The following FAM168A variants were observed in gnomAD, a reference collection of about 807,000 sequenced individuals.
The protein encoded by FAM168A is family with sequence similarity 168 member A.
Under a neutral mutation model 28.5 loss-of-function variants are expected in FAM168A, and 3 were observed. That is an observed-to-expected ratio of 0.11 (90% CI 0.05 to 0.27). The LOEUF is 0.27. Ranked by LOEUF, FAM168A falls within the 10% of genes least tolerant of loss-of-function variation. The probability of loss-of-function intolerance (pLI) is 1.00; values close to 1 mark genes in which losing one functional copy is unlikely to be tolerated. For missense variants in FAM168A, 222 were observed against 311.5 expected, an observed-to-expected ratio of 0.71 and a Z score of 2.16; for synonymous variants, 122 against 124.2, an observed-to-expected ratio of 0.98 and a Z score of 0.12.
At chr11:73,434,111 T>TG (rs1867047905) in intron 2 of FAM168A, among the ~76,000 whole-genome samples, 1 of 152,222 alleles carries the variant, frequency 6.6e-6, no homozygotes. Context: ...CCCAAAGTGC[T>TG]GGGATTACAG....
chr11:73,491,290 G>T (rs1023700049), intron 1 of FAM168A, among the ~76,000 whole-genome samples: 6 of 152,134 alleles, frequency 3.9e-5, no homozygotes, highest in Admixed American at 3.9e-4. Context: ...TACCACTCCA[G>T]CGGGAAGGAG....
rs147999855 is a variant in FAM168A, at chr11:73,463,676, G to A, written c.70+4729C>T. Reference sequence around the variant, plus strand: ...GCAGGGGAAGAAAATTCTGAAAGGAGACAAATTCAGGAACAGCTGGAGAAG... The same window carrying A: ...GCAGGGGAAGAAAATTCTGAAAGGAAACAAATTCAGGAACAGCTGGAGAAG... On this transcript the variant is annotated intron_variant, in intron 2 of 7. Transcript: ENST00000356467. Among the ~76,000 whole-genome samples the A allele has an allele frequency of 4.3e-3, 648 of 152,220 alleles. 1 individual carries two copies. Among genetic ancestry groups the A allele is most frequent in the Non-Finnish European group, 6.9e-3 (466 of 67,998 alleles).
At chr11:73,413,993 T>C (rs1866659196) in intron 4 of FAM168A, among the ~76,000 whole-genome samples, 1 of 151,880 alleles carries the variant, frequency 6.6e-6, no homozygotes, top group African/African-American at 2.4e-5. Flanking sequence ...AGCCCAGGAG[T>C]CTAAGGCTGT....
intron 1 of FAM168A, among the ~76,000 whole-genome samples, chr11:73,509,888 G>A (rs1855185621): frequency 6.6e-6 from 1 of 152,070 alleles, no homozygotes. Flanking sequence ...TCCCAACTCT[G>A]GGAGGCTTTC....
At chr11:73,501,143 A>C (rs1855004052) in intron 1 of FAM168A, among the ~76,000 whole-genome samples, 1 of 152,216 alleles carries the variant, frequency 6.6e-6, no homozygotes, top group Non-Finnish European at 1.5e-5. Flanking sequence ...GGAAGTGCTA[A>C]CTATTCTGAA....
At chr11:73,521,093 A>T (rs1041436664) in intron 1 of FAM168A, among the ~76,000 whole-genome samples, 4 of 152,222 alleles carry the variant, frequency 2.6e-5, no homozygotes, top group African/African-American at 9.6e-5. Context: ...GTTTCAGGAA[A>T]TATATGTGCT....
intron 2 of FAM168A, among the ~76,000 whole-genome samples, chr11:73,455,715 T>C (rs957739314): frequency 5.3e-5 from 8 of 152,168 alleles, no homozygotes; most frequent in African/African-American, 1.9e-4. Flanking sequence ...ATAACAAAAT[T>C]GGAAGGTCAG....
At chr11:73,544,828 T>A (rs1383506706) in intron 1 of FAM168A, among the ~76,000 whole-genome samples, 2 of 100,034 alleles carry the variant, frequency 2.0e-5, no homozygotes, top group Non-Finnish European at 3.5e-5. Context: ...ATAAATTTAT[T>A]ATATATAATA....
intron 1 of FAM168A, among the ~76,000 whole-genome samples, chr11:73,539,364 G>A (rs1209224953): frequency 6.6e-6 from 1 of 152,148 alleles, no homozygotes; most frequent in African/African-American, 2.4e-5. Flanking sequence ...CCGCCTCCCA[G>A]GTTCAAGCAA....
intron 1 of FAM168A, among the ~76,000 whole-genome samples, chr11:73,558,289 C>T (rs1943913277): frequency 1.3e-5 from 2 of 151,952 alleles, no homozygotes. Context: ...TAGCAAGACA[C>T]TGCCTCTACA....
chr11:73,534,172 G>A (rs1204551005), intron 1 of FAM168A, among the ~76,000 whole-genome samples: 1 of 152,100 alleles, frequency 6.6e-6, no homozygotes, highest in Non-Finnish European at 1.5e-5. Context: ...TTTAAATGAA[G>A]TGTAAAACCA....
intron 1 of FAM168A, among the ~76,000 whole-genome samples, chr11:73,485,634 T>C (rs985050024): frequency 1.3e-5 from 2 of 152,206 alleles, no homozygotes; most frequent in African/African-American, 2.4e-5. Context: ...CCTTCACTGA[T>C]AATCTGTTTG....
At chr11:73,461,122 C>CT (rs886889582) in intron 2 of FAM168A, among the ~76,000 whole-genome samples, 8 of 148,654 alleles carry the variant, frequency 5.4e-5, no homozygotes, top group South Asian at 2.1e-4. Flanking sequence ...CATTGTCAAT[C>CT]TTTTTTTTTT....
intron 2 of FAM168A, among the ~76,000 whole-genome samples, chr11:73,442,979 T>TATATATATAC: frequency 8.3e-6 from 1 of 120,910 alleles, no homozygotes. Flanking sequence ...TATATATATA[T>TATATATATAC]ATATATATAT....
chr11:73,582,364 A>G (rs905110092), intron 1 of FAM168A, among the ~76,000 whole-genome samples: 2 of 152,010 alleles, frequency 1.3e-5, no homozygotes, highest in African/African-American at 2.4e-5. Context: ...TACTAAAAAT[A>G]CAAAAAAAAT....
rs1056457503 is a variant in FAM168A, at chr11:73,582,384, G to A, written c.-19+15539C>T. ...AAAATACAAAAAAAATTAGCCAGGC[G>A]TGGAGGCACACACCTGTAGTCCCAG... On this transcript the variant is annotated intron_variant, in intron 1 of 7. Coordinates refer to ENST00000356467, the MANE Select transcript of FAM168A (RefSeq NM_015159.3). 1.2e-4 allele frequency among the ~76,000 whole-genome samples: 18 copies of A among 151,904 alleles called. 1 individual carries two copies. The highest frequency in any genetic ancestry group is 3.9e-4 in the East Asian group (2 of 5,114).
intron 1 of FAM168A, among the ~76,000 whole-genome samples, chr11:73,593,595 A>G (rs943042304): frequency 2.6e-5 from 4 of 152,238 alleles, no homozygotes; most frequent in African/African-American, 9.6e-5. Context: ...ATAAAACAAA[A>G]TCATACCTCA....
At chr11:73,499,097 C>T (rs1854949982) in intron 1 of FAM168A, among the ~76,000 whole-genome samples, 1 of 152,148 alleles carries the variant, frequency 6.6e-6, no homozygotes, top group Non-Finnish European at 1.5e-5. Context: ...AGGAGCAATC[C>T]TACTGGCATC....
intron 1 of FAM168A, among the ~76,000 whole-genome samples, chr11:73,497,555 G>A (rs1445456787): frequency 6.6e-6 from 1 of 152,154 alleles, no homozygotes; most frequent in Non-Finnish European, 1.5e-5. Context: ...GCCACATGTA[G>A]CTACTAAGTA....
Sources: gnomAD v4.1 joint callset for allele counts (sites outside exome capture counted in the v4.1 genomes callset) on GRCh38, gnomAD v4.1.1 for gene constraint, MANE v1.5 for transcripts, NCBI Gene and HGNC (gene_info 2026-07-23, HGNC 2026-07-21) for gene names.